HDAC9: variants seen among roughly 807,000 people sequenced by gnomAD.
HDAC9 encodes MEF-2 interacting transcription repressor (MITR) protein.
HDAC9 carries 41 observed loss-of-function variants against 139.4 expected under a neutral mutation model. That is an observed-to-expected ratio of 0.29 (90% CI 0.23 to 0.38). The LOEUF (loss-of-function observed/expected upper bound fraction) is 0.38, where lower values mean the gene tolerates loss of function less well. HDAC9 is among the 10% of genes least tolerant of loss of function. The probability of loss-of-function intolerance (pLI) is 1.00; values close to 1 mark genes in which losing one functional copy is unlikely to be tolerated. For missense variants in HDAC9, 1,147 were observed against 1,297.0 expected, an observed-to-expected ratio of 0.88 and a Z score of 1.78; for synonymous variants, 517 against 476.2, an observed-to-expected ratio of 1.09 and a Z score of -1.12.
At chr7:18,932,848 A>AAATGAAAGAAAG in intron 22 of HDAC9, among the ~76,000 whole-genome samples, 1 of 138,322 alleles carries the variant, frequency 7.2e-6, no homozygotes, top group East Asian at 2.1e-4. Flanking sequence ...AGGAAGGAAA[A>AAATGAAAGAAAG]AAAGAAAGAA....
chr7:18,444,566 G>A (rs1379321125), intron 1 of HDAC9, among the ~76,000 whole-genome samples: 1 of 151,860 alleles, frequency 6.6e-6, no homozygotes, highest in East Asian at 1.9e-4. Flanking sequence ...ATTTTCTTAA[G>A]CATATGGGAT....
chr7:18,170,810 T>C (rs1464829926), intron 2 of HDAC9, among the ~76,000 whole-genome samples: 1 of 152,204 alleles, frequency 6.6e-6, no homozygotes, highest in East Asian at 1.9e-4. Context: ...TCTATATCTC[T>C]GTTTTGGTAC....
intron 16 of HDAC9, among the ~76,000 whole-genome samples, chr7:18,786,598 CTT>C (rs1791784294): frequency 1.2e-5 from 1 of 82,636 alleles, no homozygotes; most frequent in Non-Finnish European, 2.7e-5. Context: ...TCCTTCCTTC[CTT>C]CCTTCCTTCC....
At chr7:18,912,380 A>T (rs1406444591) in intron 22 of HDAC9, among the ~76,000 whole-genome samples, 1 of 152,118 alleles carries the variant, frequency 6.6e-6, no homozygotes, top group African/African-American at 2.4e-5. Flanking sequence ...GAAAACTATA[A>T]AAGTATCCAA....
At position 18,336,457 on chromosome 7, in the gene HDAC9, C is replaced by T. The variant is rs190370946; in HGVS notation, c.-42+45942C>T. 3.9e-3 allele frequency among the ~76,000 whole-genome samples: 597 copies of T among 151,744 alleles called. 5 individuals carry two copies. Among genetic ancestry groups the T allele is most frequent in the African/African-American group, 0.014 (568 of 41,474 alleles). On this transcript the variant is annotated intron_variant, in intron 1 of 3. Coordinates refer to the HDAC9 transcript ENST00000413509. ...GTAATGAGAAGACTGTTGATTTATA[C>T]TGTCCTCTCTGCTGTAAATAACATC...
intron 2 of HDAC9, among the ~76,000 whole-genome samples, chr7:18,224,537 C>A (rs1298636295): frequency 6.6e-6 from 1 of 152,122 alleles, no homozygotes; most frequent in African/African-American, 2.4e-5. Context: ...CCCTGCCCTG[C>A]CACCCAGCGT....
At chr7:18,373,605 G>A (rs1175483545) in intron 1 of HDAC9, among the ~76,000 whole-genome samples, 5 of 152,088 alleles carry the variant, frequency 3.3e-5, no homozygotes, top group Non-Finnish European at 7.4e-5. Flanking sequence ...TTCATAATAG[G>A]TTAGAGATTC....
chr7:18,183,011 AT>A (rs34655659), intron 2 of HDAC9, among the ~76,000 whole-genome samples: 44,870 of 141,732 alleles, frequency 0.32, 7,297 homozygotes, highest in African/African-American at 0.49. Flanking sequence ...TTAACATATG[AT>A]TTTTTTTTTT....
intron 6 of HDAC9, among the ~76,000 whole-genome samples, chr7:18,598,210 T>C (rs1832993054): frequency 6.6e-6 from 1 of 152,200 alleles, no homozygotes; most frequent in African/African-American, 2.4e-5. Context: ...ATTATACACA[T>C]TTCTGCAAAG....
intron 17 of HDAC9, among the ~76,000 whole-genome samples, chr7:18,813,987 T>G (rs998474649): frequency 3.3e-5 from 5 of 152,212 alleles, no homozygotes; most frequent in African/African-American, 9.6e-5. Context: ...ATTTGTAGTT[T>G]TAACTGCCTG....
intron 22 of HDAC9, among the ~76,000 whole-genome samples, chr7:18,928,108 T>G (rs1376928359): frequency 6.6e-6 from 1 of 152,182 alleles, no homozygotes; most frequent in Non-Finnish European, 1.5e-5. Flanking sequence ...GTCTGTTCTA[T>G]TTTACTACAG....
intron 23 of HDAC9, among the ~76,000 whole-genome samples, chr7:18,940,968 C>T (rs1439530499): frequency 6.6e-6 from 1 of 151,896 alleles, no homozygotes; most frequent in Non-Finnish European, 1.5e-5. Flanking sequence ...CTGTCAATAC[C>T]GAATAAATGA....
chr7:18,088,383 C>A (rs566566196), intron 1 of HDAC9, among the ~76,000 whole-genome samples: 2 of 152,088 alleles, frequency 1.3e-5, no homozygotes, highest in Non-Finnish European at 2.9e-5. Context: ...TTAGGAATTA[C>A]AAGTATTCAG....
intron 1 of HDAC9, among the ~76,000 whole-genome samples, chr7:18,412,304 A>G (rs1788640873): frequency 6.6e-6 from 1 of 152,198 alleles, no homozygotes; most frequent in Non-Finnish European, 1.5e-5. Flanking sequence ...GCCAGAGTAG[A>G]TAAATAAACA....
At chr7:18,708,826 A>G (rs1259436922) in intron 12 of HDAC9, among the ~76,000 whole-genome samples, 1 of 152,152 alleles carries the variant, frequency 6.6e-6, no homozygotes, top group African/African-American at 2.4e-5. Flanking sequence ...ACAGTTTCTT[A>G]TCATATGTGG....
At chr7:18,851,389 C>T (rs187030814) in intron 21 of HDAC9, 4 of 152,508 alleles carry the variant, frequency 2.6e-5, no homozygotes, top group Non-Finnish European at 5.9e-5. Flanking sequence ...TCCTCCTTTG[C>T]TCTCTGTGTC....
intron 2 of HDAC9, among the ~76,000 whole-genome samples, chr7:18,244,368 C>A (rs1034701147): frequency 1.2e-4 from 19 of 152,210 alleles, no homozygotes; most frequent in African/African-American, 4.3e-4. Context: ...AAAATGCAAA[C>A]AGATTTCCAT....
chr7:18,675,904 A>T (rs1354337684), intron 12 of HDAC9, among the ~76,000 whole-genome samples: 1 of 151,984 alleles, frequency 6.6e-6, no homozygotes, highest in African/African-American at 2.4e-5. Context: ...CTCACCTCCC[A>T]TAAAAAGAAT....
chr7:18,196,249 T>C (rs1790719415), intron 2 of HDAC9, among the ~76,000 whole-genome samples: 1 of 152,174 alleles, frequency 6.6e-6, no homozygotes, highest in African/African-American at 2.4e-5. Context: ...GAAAGAGGGA[T>C]GTACAATCTT....
Sources: allele counts gnomAD v4.1 joint callset (sites outside exome capture counted in the v4.1 genomes callset), GRCh38; gene constraint gnomAD v4.1.1; transcripts MANE v1.5; gene names NCBI Gene and HGNC (gene_info 2026-07-23, HGNC 2026-07-21).